The following ARL15 variants were observed in gnomAD, a reference collection of about 807,000 sequenced individuals.
ARL15 encodes the protein ARF like GTPase 15.
Under a neutral mutation model 25.2 loss-of-function variants are expected in ARL15, and 19 were observed. The observed-to-expected ratio is 0.75, with a 90% confidence interval of 0.53 to 1.10. ARL15 has a LOEUF of 1.10. ARL15 is among the 50% of genes least tolerant of loss of function. The pLI is 0.00. For synonymous variants in ARL15, 94 were observed against 86.8 expected (o/e 1.08, Z -0.46); for missense variants, 220 against 246.0 (o/e 0.89, Z 0.71).
chr5:54,278,806 A>T (rs1442423444), intron 1 of ARL15, among the ~76,000 whole-genome samples: 1 of 152,120 alleles, frequency 6.6e-6, no homozygotes, highest in Non-Finnish European at 1.5e-5. Context: ...TCTACTCCAA[A>T]CCTCAGTGGG....
intron 1 of ARL15, among the ~76,000 whole-genome samples, chr5:54,191,771 C>T (rs1363555458): frequency 6.6e-6 from 1 of 152,174 alleles, no homozygotes; most frequent in Non-Finnish European, 1.5e-5. Context: ...AAAAGCCTCA[C>T]ACTGGCTCCC....
intron 4 of ARL15, among the ~76,000 whole-genome samples, chr5:54,110,401 G>T (rs916212644): frequency 1.3e-5 from 2 of 151,932 alleles, no homozygotes; most frequent in African/African-American, 2.4e-5. Context: ...CACATTTTCT[G>T]CATTAAACAT....
intron 2 of ARL15, among the ~76,000 whole-genome samples, chr5:54,166,638 C>A (rs1754576618): frequency 6.6e-6 from 1 of 152,104 alleles, no homozygotes; most frequent in Admixed American, 6.6e-5. Context: ...TTCATGGACT[C>A]AAATTACCCT....
chr5:54,134,728 G>T (rs2112289127), intron 3 of ARL15, among the ~76,000 whole-genome samples: 1 of 151,846 alleles, frequency 6.6e-6, no homozygotes, highest in Admixed American at 6.6e-5. Context: ...GGGACTACAG[G>T]CACGCACCAC....
intron 3 of ARL15, among the ~76,000 whole-genome samples, chr5:54,141,110 T>C (rs1018023707): frequency 6.6e-6 from 1 of 152,166 alleles, no homozygotes; most frequent in Non-Finnish European, 1.5e-5. Context: ...TGGGTTATAC[T>C]GAGAAATCTC....
At chr5:54,007,633 C>G (rs1004983743) in intron 4 of ARL15, among the ~76,000 whole-genome samples, 4 of 152,052 alleles carry the variant, frequency 2.6e-5, no homozygotes, top group Non-Finnish European at 5.9e-5. Flanking sequence ...GTGGTAAAAC[C>G]CCGTCTCTAC....
chr5:54,185,591 A>G (rs1162907431), intron 1 of ARL15, among the ~76,000 whole-genome samples: 3 of 152,298 alleles, frequency 2.0e-5, no homozygotes, highest in South Asian at 2.1e-4. Flanking sequence ...GATTAAAAGC[A>G]TGGTTAGACA....
At chr5:54,200,499 C>G (rs1015104925) in intron 1 of ARL15, among the ~76,000 whole-genome samples, 2 of 149,912 alleles carry the variant, frequency 1.3e-5, no homozygotes, top group Non-Finnish European at 3.0e-5. Flanking sequence ...TATGCCATGA[C>G]TGGCAATAAG....
At chr5:54,214,435 G>A (rs1458580445) in intron 1 of ARL15, among the ~76,000 whole-genome samples, 5 of 152,088 alleles carry the variant, frequency 3.3e-5, no homozygotes, top group Non-Finnish European at 5.9e-5. Context: ...TTTCACCTCC[G>A]CAAAGCTTTT....
chr5:53,926,876 A>C (rs1210322057), intron 4 of ARL15, among the ~76,000 whole-genome samples: 1 of 152,044 alleles, frequency 6.6e-6, no homozygotes, highest in Non-Finnish European at 1.5e-5. Flanking sequence ...AAAAGAATAC[A>C]ACATGCCTCA....
intron 4 of ARL15, among the ~76,000 whole-genome samples, chr5:54,055,030 G>T (rs1218909125): frequency 6.6e-6 from 1 of 152,118 alleles, no homozygotes; most frequent in Non-Finnish European, 1.5e-5. Context: ...TGCACTTAAA[G>T]AACACAGTTC....
chr5:54,063,290 G>A (rs998288118), intron 4 of ARL15, among the ~76,000 whole-genome samples: 1 of 152,204 alleles, frequency 6.6e-6, no homozygotes, highest in African/African-American at 2.4e-5. Flanking sequence ...CCTAGGAAAT[G>A]AGGATTCTGC....
chr5:54,263,605 C>G (rs1399254499), intron 1 of ARL15, among the ~76,000 whole-genome samples: 2 of 152,048 alleles, frequency 1.3e-5, no homozygotes, highest in Non-Finnish European at 2.9e-5. Context: ...TCTAATGAAC[C>G]AATGAGGCCA....
intron 4 of ARL15, among the ~76,000 whole-genome samples, chr5:54,108,965 TA>T (rs1347267798): frequency 1.3e-5 from 2 of 151,982 alleles, no homozygotes; most frequent in East Asian, 3.8e-4. Flanking sequence ...ATAACCAAAA[TA>T]AAACATGGTC....
chr5:54,171,114 A>T (rs1339944432), intron 2 of ARL15, among the ~76,000 whole-genome samples: 1 of 152,160 alleles, frequency 6.6e-6, no homozygotes, highest in Non-Finnish European at 1.5e-5. Flanking sequence ...TGACACTGAA[A>T]ACATTTTGGG....
chr5:53,936,251 A>G (rs1238515515), intron 4 of ARL15, among the ~76,000 whole-genome samples: 1 of 152,110 alleles, frequency 6.6e-6, no homozygotes, highest in Non-Finnish European at 1.5e-5. Context: ...ACACTTTCAC[A>G]TTTCGTACTT....
At chr5:54,002,501 A>G (rs958357482) in intron 4 of ARL15, among the ~76,000 whole-genome samples, 4 of 152,226 alleles carry the variant, frequency 2.6e-5, no homozygotes, top group African/African-American at 9.6e-5. Context: ...TAATAATCTA[A>G]GAGGGACCAA....
At chr5:54,219,678 C>T (rs187205594) in intron 1 of ARL15, among the ~76,000 whole-genome samples, 14 of 151,832 alleles carry the variant, frequency 9.2e-5, no homozygotes, top group East Asian at 5.8e-4. Flanking sequence ...AAAAGAGAGA[C>T]GGAGAAAGAA....
intron 4 of ARL15, among the ~76,000 whole-genome samples, chr5:54,036,419 T>A (rs1387647995): frequency 1.3e-5 from 2 of 152,148 alleles, no homozygotes; most frequent in Non-Finnish European, 2.9e-5. Context: ...ATATAGTCCA[T>A]CCAATTTCTA....
Sources: allele counts gnomAD v4.1 joint callset (sites outside exome capture counted in the v4.1 genomes callset), GRCh38; gene constraint gnomAD v4.1.1; transcripts MANE v1.5; gene names NCBI Gene and HGNC (gene_info 2026-07-23, HGNC 2026-07-21).